PLEKHG1: variants seen among roughly 807,000 people sequenced by gnomAD.
The protein encoded by PLEKHG1 is pleckstrin homology and RhoGEF domain containing G1, also known as pleckstrin homology domain-containing family G member 1.
PLEKHG1 carries 44 observed loss-of-function variants against 100.8 expected under a neutral mutation model. The ratio of observed to expected loss-of-function variants is 0.44; its 90% confidence interval spans 0.34 to 0.56. The LOEUF (loss-of-function observed/expected upper bound fraction) is 0.56, where lower values mean the gene tolerates loss of function less well. Among genes scored for constraint, PLEKHG1 ranks in the 20% least tolerant of loss-of-function variants. The pLI is 0.01. For missense variants in PLEKHG1, 1,545 were observed against 1,720.9 expected (o/e 0.90, Z 1.81); for synonymous variants, 640 against 662.5 (o/e 0.97, Z 0.52).
chr6:150,817,758 A>G (rs910059476), intron 10 of PLEKHG1, among the ~76,000 whole-genome samples: 1 of 151,936 alleles, frequency 6.6e-6, no homozygotes, highest in African/African-American at 2.4e-5. Context: ...GGGTTTCACC[A>G]TATTGGCCAG....
At chr6:150,728,655 T>C (rs950226111) in intron 1 of PLEKHG1, among the ~76,000 whole-genome samples, 7 of 152,014 alleles carry the variant, frequency 4.6e-5, no homozygotes, top group Non-Finnish European at 8.8e-5. Context: ...CCCAGCACTT[T>C]GGGAGGCCAA....
intron 15 of PLEKHG1, among the ~76,000 whole-genome samples, chr6:150,834,989 C>T (rs560360066): frequency 5.3e-5 from 8 of 152,194 alleles, no homozygotes; most frequent in East Asian, 3.9e-4. Flanking sequence ...ACGTCGTAAT[C>T]GAATGGACCG....
In PLEKHG1 at chr6:150,784,974, G is replaced by C. The variant is rs1583125316; in HGVS notation, c.513-1416G>C. ...CTCACACTACCCAGCGCTTCAGAAAGATCACTTGAGCCCAGGAAGACCTGC... is the reference window on the plus strand; with the variant it reads ...CTCACACTACCCAGCGCTTCAGAAACATCACTTGAGCCCAGGAAGACCTGC... On this transcript the variant is annotated intron_variant, in intron 3 of 15. Coordinates refer to ENST00000358517, the Ensembl canonical transcript of PLEKHG1. Among the ~76,000 whole-genome samples, 3 of 150,726 alleles carry C rather than the reference G, an allele frequency of 2.0e-5. No homozygotes were observed. The Admixed American group carries it at 2.0e-4, about 10-fold the overall frequency.
At chr6:150,701,406 G>T (rs1780766954) in intron 3 of PLEKHG1, among the ~76,000 whole-genome samples, 1 of 98,918 alleles carries the variant, frequency 1.0e-5, no homozygotes, top group Non-Finnish European at 2.1e-5. Flanking sequence ...TAAAGAATAA[G>T]CAGTAATTCT....
At position 150,827,850 on chromosome 6, in the gene PLEKHG1, T is replaced by A. The variant is rs1425333542; in HGVS notation, c.1471-2732T>A. Reference sequence around the variant, plus strand: ...AGAGCTGGAGGATCACGAAGGCGAGTTTAATGAGGAGGATGAATGTGCTAT... The same window carrying A: ...AGAGCTGGAGGATCACGAAGGCGAGATTAATGAGGAGGATGAATGTGCTAT... On this transcript the variant is annotated intron_variant, in intron 14 of 15. Transcript: ENST00000358517. The A allele has an allele frequency of 3.9e-5, 57 of 1,445,630 alleles. 1 individual carries two copies. In the South Asian group the frequency reaches 6.0e-4, roughly 15 times the overall value. The allele number at this position is 1,445,630 out of a possible 1,614,324, so 89.6% of individuals were successfully genotyped here. A position where few individuals can be genotyped will look rare whatever the true frequency, so the allele number is the denominator to read the frequency against.
chr6:150,713,212 G>A (rs1781299981), intron 3 of PLEKHG1, among the ~76,000 whole-genome samples: 1 of 152,090 alleles, frequency 6.6e-6, no homozygotes, highest in South Asian at 2.1e-4. Flanking sequence ...GGCAACAGAG[G>A]GGTATTTAAG....
intron 1 of PLEKHG1, among the ~76,000 whole-genome samples, chr6:150,620,781 C>T (rs954957487): frequency 3.3e-5 from 5 of 152,144 alleles, no homozygotes; most frequent in Non-Finnish European, 5.9e-5. Flanking sequence ...GGAGGCTCTG[C>T]CCTCGTGGGG....
chr6:150,617,241 A>G (rs1006547683), intron 1 of PLEKHG1, among the ~76,000 whole-genome samples: 2 of 152,228 alleles, frequency 1.3e-5, no homozygotes, highest in African/African-American at 4.8e-5. Context: ...ACTGAGTTTG[A>G]AGAATAACAA....
chr6:150,729,123 A>T (rs1782108152), intron 1 of PLEKHG1, among the ~76,000 whole-genome samples: 1 of 152,174 alleles, frequency 6.6e-6, no homozygotes, highest in Non-Finnish European at 1.5e-5. Flanking sequence ...TCAAGGTCTC[A>T]CTTTGCCACC....
intron 3 of PLEKHG1, among the ~76,000 whole-genome samples, chr6:150,655,943 G>GT (rs1413095049): frequency 3.3e-5 from 5 of 152,016 alleles, no homozygotes; most frequent in Admixed American, 6.6e-5. Flanking sequence ...ACCAGGGCCT[G>GT]TGGGGGGTTG....
intron 3 of PLEKHG1, among the ~76,000 whole-genome samples, chr6:150,670,635 G>A (rs1397690690): frequency 2.0e-5 from 3 of 152,144 alleles, no homozygotes; most frequent in Non-Finnish European, 4.4e-5. Context: ...TATTTATCCT[G>A]GGAAGAGTGG....
chr6:150,646,727 T>A lies in PLEKHG1; in HGVS notation c.-157-4001T>A, dbSNP rs551192142. 8.5e-5 allele frequency among the ~76,000 whole-genome samples: 13 copies of A among 152,306 alleles called. No homozygotes were observed. The South Asian group carries it at 2.7e-3, about 32-fold the overall frequency. ...ACAAATGTGATGTGGCTCTCCAAGA[T>A]GACAGGTAGGGGCAGCAGCAAGAAT... On this transcript the variant is annotated intron_variant, in intron 2 of 3. Coordinates refer to the PLEKHG1 transcript ENST00000367326.
chr6:150,831,621 A>C lies in PLEKHG1; in HGVS notation c.2510A>C (p.Glu837Ala). Residue 837 changes from glutamate to alanine, a missense_variant, in exon 15 of 16, where the codon GAA (glutamate) becomes GCA (alanine). Glu to Ala is a moderately radical substitution (Grantham distance 107). Transcript: ENST00000358517. The surrounding 1 kb of genome is among the most constrained non-coding windows in gnomAD (Gnocchi z 4.1). ...GATAAACTGTCCGAAGAAGTAGATG[A>C]AATCTGGAATGACCTGGAAAATTAC... is the stretch of plus-strand genomic sequence containing the variant. The C allele has an allele frequency of 6.2e-7, 1 of 1,614,024 alleles. No individual in the cohort carries two copies. Among genetic ancestry groups the C allele is most frequent in the South Asian group, 1.1e-5 (1 of 91,080 alleles).
At chr6:150,772,030 AC>A (rs1236167292) in intron 3 of PLEKHG1, among the ~76,000 whole-genome samples, 1 of 152,134 alleles carries the variant, frequency 6.6e-6, no homozygotes, top group Non-Finnish European at 1.5e-5. Flanking sequence ...CCAGTTATAT[AC>A]CCTTCCCCAG....
In PLEKHG1 at chr6:150,601,761, A is replaced by G. The variant is rs138455381; in HGVS notation, c.-204+1744A>G. Among the ~76,000 whole-genome samples, 93 of 152,294 alleles carry G rather than the reference A, an allele frequency of 6.1e-4. No homozygotes were observed. The East Asian group carries it at 0.017, about 28-fold the overall frequency. On this transcript the variant is annotated intron_variant, in intron 1 of 3. Transcript: ENST00000367326. Reference sequence around the variant, plus strand: ...GTAGCAGCCCCCCAAGTCCTCTGCTAAAGGGCAAAGCAAAGTGAGAAACAG... The same window carrying G: ...GTAGCAGCCCCCCAAGTCCTCTGCTGAAGGGCAAAGCAAAGTGAGAAACAG...
intron 2 of PLEKHG1, among the ~76,000 whole-genome samples, chr6:150,646,649 G>A (rs1274095172): frequency 6.6e-6 from 1 of 152,150 alleles, no homozygotes; most frequent in Admixed American, 6.5e-5. Context: ...TTTTTATGTT[G>A]CAGTGGATGT....
At chr6:150,758,451 T>C (rs1783972822) in intron 2 of PLEKHG1, among the ~76,000 whole-genome samples, 1 of 152,032 alleles carries the variant, frequency 6.6e-6, no homozygotes, top group African/African-American at 2.4e-5. Context: ...TTCTCCTGCC[T>C]CAGCCTCCCG....
At chr6:150,692,799 C>T (rs1279533081) in intron 3 of PLEKHG1, among the ~76,000 whole-genome samples, 2 of 152,204 alleles carry the variant, frequency 1.3e-5, no homozygotes, top group Admixed American at 6.5e-5. Context: ...CATGAAGTTT[C>T]TACTAAGTCA....
chr6:150,706,303 T>G (rs1466396759), intron 3 of PLEKHG1, among the ~76,000 whole-genome samples: 1 of 152,126 alleles, frequency 6.6e-6, no homozygotes, highest in Non-Finnish European at 1.5e-5. Context: ...TGATGTTCCA[T>G]CAAGTTGTCA....
Sources: gnomAD v4.1 joint callset for allele counts (sites outside exome capture counted in the v4.1 genomes callset) on GRCh38, gnomAD v4.1.1 for gene constraint, Gnocchi (gnomAD v3.1) non-coding constraint, MANE v1.5 for transcripts, NCBI Gene and HGNC (gene_info 2026-07-23, HGNC 2026-07-21) for gene names.